ASPG: variants seen among roughly 807,000 people sequenced by gnomAD.
ASPG encodes 60 kDa lysophospholipase.
Under a neutral mutation model 63.2 loss-of-function variants are expected in ASPG, and 53 were observed. The observed-to-expected ratio is 0.84, with a 90% CI of 0.67 to 1.05. ASPG has a LOEUF of 1.05. Ranked by LOEUF, ASPG falls within the 50% of genes least tolerant of loss-of-function variation. The probability of loss-of-function intolerance (pLI) is 0.00; values close to 1 mark genes in which losing one functional copy is unlikely to be tolerated. For missense variants in ASPG, 741 were observed against 794.4 expected, an observed-to-expected ratio of 0.93 and a Z score of 0.81; for synonymous variants, 370 against 355.0, an observed-to-expected ratio of 1.04 and a Z score of -0.48.
At chr14:104,098,668 G>T (rs1363580416) in intron 5 of ASPG, among the ~76,000 whole-genome samples, 185 bp from the exon 6 acceptor site, 3 of 152,120 alleles carry the variant, frequency 2.0e-5, no homozygotes, top group Non-Finnish European at 4.4e-5. Context: ...AGGTGGCAGG[G>T]CAGGAAAGGG....
At chr14:104,093,240 C>T (rs1237354875) in intron 2 of ASPG, 17 of 574,600 alleles carry the variant, frequency 3.0e-5, no homozygotes, top group Middle Eastern at 5.3e-4. Flanking sequence ...CCCCCCTCTT[C>T]GAGCTGGTGT....
intron 6 of ASPG, 78 bp downstream of exon 6, chr14:104,099,057 C>T (rs1189030067): frequency 6.6e-7 from 1 of 1,510,172 alleles, no homozygotes; most frequent in East Asian, 2.5e-5. Context: ...GAGCTCGTGG[C>T]TGGGACTCGG....
intron 5 of ASPG, 119 bp from the exon 6 acceptor site, chr14:104,098,734 T>A: frequency 1.4e-6 from 2 of 1,472,802 alleles, no homozygotes; most frequent in Non-Finnish European, 1.8e-6. Flanking sequence ...TGGGTGGGGT[T>A]ACAGTCCCAC....
chr14:104,110,977 G>T lies in ASPG; in HGVS notation c.1521-525G>T. On this transcript the variant is annotated intron_variant, in intron 13 of 15. Transcript: ENST00000551177. The surrounding 1 kb of genome is among the most constrained non-coding windows in gnomAD (Gnocchi z 4.7). ...AGTCTGCCGGGGTCCAGGGCCAACC[G>T]TTATCCTGGGTTGCCTCCTGTGTCC... The T allele has an allele frequency of 1.0e-6, 1 of 985,410 alleles. No individual in the cohort carries two copies. Among genetic ancestry groups the T allele is most frequent in the Non-Finnish European group, 1.2e-6 (1 of 829,924 alleles). 61.0% of individuals were successfully genotyped at this position (985,410 alleles called of 1,614,324 possible). A position where few individuals can be genotyped will look rare whatever the true frequency, so the allele number is the denominator to read the frequency against.
In ASPG at chr14:104,110,662, T is replaced by G. The variant is rs1292976187; in HGVS notation, c.1521-840T>G. On this transcript the variant is annotated intron_variant, in intron 13 of 15. Coordinates refer to ENST00000551177, the MANE Select transcript of ASPG (RefSeq NM_001080464.3). The surrounding 1 kb of genome is among the most constrained non-coding windows in gnomAD (Gnocchi z 4.7). ...CGCTGCAGAGATTACCCAGTGCCAC[T>G]GCAGGGCTGCTGCTGTTTCCTGGGT... 1 of 985,254 alleles carries G rather than the reference T, an allele frequency of 1.0e-6. No individual in the cohort carries two copies. The highest frequency in any genetic ancestry group is 1.2e-6 in the Non-Finnish European group (1 of 829,902). The allele number at this position is 985,254 out of a possible 1,614,324, so 61.0% of individuals were successfully genotyped here. A position where few individuals can be genotyped will look rare whatever the true frequency, so the allele number is the denominator to read the frequency against.
chr14:104,097,983 C>T (rs1262842393), intron 5 of ASPG, among the ~76,000 whole-genome samples: 2 of 134,854 alleles, frequency 1.5e-5, no homozygotes, highest in Non-Finnish European at 1.6e-5. Context: ...GTTAGAGATG[C>T]GTATGGAGGT....
At chr14:104,104,800 G>T in intron 9 of ASPG, 65 bp downstream of exon 9, 5 of 1,364,958 alleles carry the variant, frequency 3.7e-6, no homozygotes, top group Non-Finnish European at 4.0e-6. Flanking sequence ...GGCTCCCAGG[G>T]GCATGTCTGG....
Position 104,104,339 on chromosome 14 carries a change from G to C in ASPG, c.789G>C (p.Val263=). The C allele has an allele frequency of 6.2e-7, 1 of 1,612,578 alleles. No individual in the cohort carries two copies. Among genetic ancestry groups the C allele is most frequent in the Non-Finnish European group, 8.5e-7 (1 of 1,179,764 alleles). The change falls in exon 8 of 16, where the codon GTG becomes GTC. Residue 263 remains valine (V), a synonymous_variant. Coordinates refer to ENST00000551177, the MANE Select transcript of ASPG (RefSeq NM_001080464.3). ...RAFLQPPLKG[V]VMETFGSGNG... is the part of the protein sequence containing the mutation. The stretch of plus-strand genomic sequence containing the variant: ...TCTTGCAGCCTCCCCTGAAGGGCGT[G>C]GTCATGGAGACCTTCGGTTCAGGGA...
chr14:104,108,462 G>T, intron 12 of ASPG: 1 of 985,444 alleles, frequency 1.0e-6, no homozygotes, highest in Middle Eastern at 5.2e-4. Flanking sequence ...GCTCCCTGAG[G>T]CCGCCTGCCT....
At chr14:104,107,032 C>T in intron 11 of ASPG, 138 bp downstream of exon 11, 2 of 1,315,592 alleles carry the variant, frequency 1.5e-6, no homozygotes, top group East Asian at 5.1e-5. Flanking sequence ...GCAGGACTGT[C>T]CTGCCAGCTT....
intron 12 of ASPG, chr14:104,108,276 C>T (rs2037229922): frequency 3.3e-6 from 1 of 305,228 alleles, no homozygotes; most frequent in South Asian, 1.3e-4. Context: ...TGTGAGGGTC[C>T]CCCCGAGCAG....
intron 1 of ASPG, among the ~76,000 whole-genome samples, chr14:104,088,913 G>A (rs567668120): frequency 6.6e-6 from 1 of 152,286 alleles, no homozygotes; most frequent in South Asian, 2.1e-4. Flanking sequence ...AGGGCTGGAG[G>A]GTTCAGATTC....
intron 3 of ASPG, 138 bp downstream of exon 3, chr14:104,093,740 G>T: frequency 1.6e-6 from 1 of 619,888 alleles, no homozygotes. Context: ...GGGAGCACGG[G>T]TGGGAATGGG....
chr14:104,108,632 GTGTGGCCTCCGGCCTCGGGCCTT>G, intron 12 of ASPG: 2 of 985,456 alleles, frequency 2.0e-6, no homozygotes, highest in Non-Finnish European at 2.4e-6. Flanking sequence ...ACAATGGGCT[GTGTGGCCTCCGGCCTCGGGCCTT>G]TGTGCCTCTG....
At chr14:104,090,709 C>T (rs2036341635) in intron 1 of ASPG, among the ~76,000 whole-genome samples, 1 of 152,268 alleles carries the variant, frequency 6.6e-6, no homozygotes, top group African/African-American at 2.4e-5. Context: ...GGCCTTCCAC[C>T]TGTGAGGAAA....
chr14:104,097,867 A>ACGTTAGAGATACGTATGGAGGTTCTG (rs2036670961), intron 5 of ASPG, among the ~76,000 whole-genome samples: 4 of 49,198 alleles, frequency 8.1e-5, no homozygotes, highest in African/African-American at 1.1e-4. Flanking sequence ...TGGAGGTTCT[A>ACGTTAGAGATACGTATGGAGGTTCTG]CGTTAGAGAT....
intron 10 of ASPG, among the ~76,000 whole-genome samples, chr14:104,106,335 G>C (rs1488741217): frequency 6.6e-6 from 1 of 152,216 alleles, no homozygotes; most frequent in Non-Finnish European, 1.5e-5. Flanking sequence ...TTGGCGTCTT[G>C]GGGAGCTCCT....
At position 104,106,864 on chromosome 14, in the gene ASPG, C is replaced by A. The variant is rs766117752; in HGVS notation, c.1239C>A (p.Asp413Glu). The change falls in exon 11 of 16, where the codon GAC (aspartate) becomes GAA (glutamate). Residue 413 changes from aspartate to glutamate, a missense_variant. Transcript: ENST00000551177. ...CCTGTGCTGCTGCCCACGCCGGTGA[C>A]GTGGAGGCGCTGCAGGCGCTTGTGG... ...SLACAAAHAG[D>E]VEALQALVEL... 6.3e-7 allele frequency: 1 copy of A among 1,593,548 alleles called. No individual in the cohort carries two copies. Among genetic ancestry groups the A allele is most frequent in the South Asian group, 1.1e-5 (1 of 87,626 alleles).
chr14:104,090,324 G>A (rs2036330985), intron 1 of ASPG, among the ~76,000 whole-genome samples: 1 of 152,216 alleles, frequency 6.6e-6, no homozygotes, highest in South Asian at 2.1e-4. Context: ...CACAACGTGA[G>A]CATGTCCCAC....
Sources: gnomAD v4.1 joint callset for allele counts (sites outside exome capture counted in the v4.1 genomes callset) on GRCh38, gnomAD v4.1.1 for gene constraint, Gnocchi (gnomAD v3.1) non-coding constraint, MANE v1.5 for transcripts, NCBI Gene and HGNC (gene_info 2026-07-23, HGNC 2026-07-21) for gene names.